The following CFAP43 variants were observed in gnomAD, a reference collection of about 807,000 sequenced individuals.
CFAP43 encodes the protein cilia- and flagella-associated protein 43.
Under a neutral mutation model 218.9 loss-of-function variants are expected in CFAP43, and 155 were observed. The ratio of observed to expected loss-of-function variants is 0.71; its 90% CI spans 0.62 to 0.81. CFAP43 has a LOEUF of 0.81. Among genes scored for constraint, CFAP43 ranks in the 30% least tolerant of loss-of-function variants. CFAP43 has a pLI of 0.00. For synonymous variants in CFAP43, 645 were observed against 681.3 expected, an observed-to-expected ratio of 0.95 and a Z score of 0.83; for missense variants, 1,778 against 1,954.3, an observed-to-expected ratio of 0.91 and a Z score of 1.70.
intron 36 of CFAP43, 128 bp downstream of exon 36, chr10:104,131,988 C>T (rs1167588312): frequency 5.0e-6 from 3 of 604,788 alleles, no homozygotes; most frequent in South Asian, 3.6e-5. Flanking sequence ...TTTTAATTAC[C>T]TCATGAATAC....
At chr10:104,163,176 CACTT>C (rs891447037) in intron 24 of CFAP43, among the ~76,000 whole-genome samples, 6 of 152,198 alleles carry the variant, frequency 3.9e-5, no homozygotes, top group Admixed American at 2.0e-4. Context: ...CCAACAATGA[CACTT>C]ACTAGCTTTG....
rs2089291235 is a variant in CFAP43, at chr10:104,168,858, C to T, written c.2587-10G>A. The T allele has an allele frequency of 1.3e-6, 2 of 1,591,198 alleles. No individual in the cohort carries two copies. The highest frequency in any genetic ancestry group is 3.3e-5 in the Admixed American group (2 of 59,880). Reference sequence around the variant, plus strand: ...CTACATCCTTTATCATCTTGAAGAACACAGACAAAGGGAAAAGATAAAAAT... The same window carrying T: ...CTACATCCTTTATCATCTTGAAGAATACAGACAAAGGGAAAAGATAAAAAT... On this transcript the variant is annotated splice_polypyrimidine_tract_variant and intron_variant, in intron 20 of 37. Coordinates refer to ENST00000357060, the MANE Select transcript of CFAP43 (RefSeq NM_025145.7).
Position 104,145,463 on chromosome 10 carries a change from A to G in CFAP43, c.3944+13T>C, listed in dbSNP as rs1425258864. On this transcript the variant is annotated intron_variant, in intron 31 of 37. Coordinates refer to ENST00000357060, the MANE Select transcript of CFAP43 (RefSeq NM_025145.7). ...TTTTTTCTCAGAAACACAATAGTGAAGGAGAAACAAACCTTGGTCGGCGTT... is the reference window on the plus strand; with the variant it reads ...TTTTTTCTCAGAAACACAATAGTGAGGGAGAAACAAACCTTGGTCGGCGTT... 6.4e-7 allele frequency: 1 copy of G among 1,568,848 alleles called. No individual in the cohort carries two copies. The highest frequency in any genetic ancestry group is 1.7e-5 in the Admixed American group (1 of 58,968).
chr10:104,145,365 A>G (rs2087911206), intron 31 of CFAP43, 111 bp downstream of exon 31: 2 of 630,816 alleles, frequency 3.2e-6, no homozygotes, highest in Non-Finnish European at 2.7e-6. Context: ...CCTAAAAGAT[A>G]TTACACTGAA....
intron 35 of CFAP43, among the ~76,000 whole-genome samples, 153 bp from the exon 36 acceptor site, chr10:104,132,349 C>T (rs960018899): frequency 9.9e-5 from 15 of 151,944 alleles, no homozygotes; most frequent in African/African-American, 3.4e-4. Flanking sequence ...TGGTGGCATA[C>T]GCTTGTAATC....
rs75488760 is a variant in CFAP43 at position 104,198,972 on chromosome 10, T to C, written c.1096-934A>G. ...GGTCTCCCAGACATTTATTTTTTAA[T>C]TTACAAAACATAACAAAACATTTTT... On this transcript the variant is annotated intron_variant, in intron 8 of 37. Coordinates refer to ENST00000357060, the MANE Select transcript of CFAP43 (RefSeq NM_025145.7). Among the ~76,000 whole-genome samples the C allele has an allele frequency of 5.8e-3, 882 of 152,304 alleles. 8 individuals are homozygous for C. Among genetic ancestry groups the C allele is most frequent in the Non-Finnish European group, 8.3e-3 (564 of 68,030 alleles).
chr10:104,208,212 GAA>G (rs2090754965), intron 5 of CFAP43, among the ~76,000 whole-genome samples: 2 of 152,142 alleles, frequency 1.3e-5, no homozygotes, highest in Non-Finnish European at 2.9e-5. Context: ...CACCATTATT[GAA>G]AAGTTTCCTG....
intron 27 of CFAP43, among the ~76,000 whole-genome samples, chr10:104,156,655 A>G (rs2088562751): frequency 6.6e-6 from 1 of 152,184 alleles, no homozygotes; most frequent in African/African-American, 2.4e-5. Context: ...CCCACAGACT[A>G]GAGAGCTCTC....
intron 34 of CFAP43, among the ~76,000 whole-genome samples, chr10:104,137,574 A>G (rs1202964196): frequency 6.6e-6 from 1 of 152,090 alleles, no homozygotes; most frequent in African/African-American, 2.4e-5. Flanking sequence ...TTGGGAGGCT[A>G]AGGCAGGAGG....
chr10:104,207,665 C>G lies in CFAP43; in HGVS notation c.895G>C (p.Asp299His). 6.2e-7 allele frequency: 1 copy of G among 1,612,042 alleles called. No homozygotes were observed. Among genetic ancestry groups the G allele is most frequent in the Non-Finnish European group, 8.5e-7 (1 of 1,179,114 alleles). ...AATATGAAGTAGGACAGTTTCTTAC[C>G]CAATGGCGATTCCTCTTCTATCTTA... ...LNKIEEESPL[D>H]RRNFISPVTL... Residue 299 changes from aspartate (D) to histidine (H), a missense_variant and splice_region_variant, in exon 6 of 38, where the codon GAC becomes CAC. Asp to His is a moderately conservative substitution (Grantham distance 81). Transcript: ENST00000357060.
chr10:104,140,788 C>G (rs1261210096), intron 34 of CFAP43, 54 bp downstream of exon 34: 3 of 1,417,380 alleles, frequency 2.1e-6, no homozygotes, highest in African/African-American at 2.9e-5. Flanking sequence ...AAGACTCTAG[C>G]CTGAGTAACA....
At chr10:104,213,118 C>A (rs1205003217) in intron 4 of CFAP43, among the ~76,000 whole-genome samples, 1 of 152,170 alleles carries the variant, frequency 6.6e-6, no homozygotes, top group Non-Finnish European at 1.5e-5. Context: ...GTTGTCAACT[C>A]TCACTAGAGA....
chr10:104,154,878 C>G (rs572986189), intron 27 of CFAP43, among the ~76,000 whole-genome samples: 1 of 152,300 alleles, frequency 6.6e-6, no homozygotes, highest in East Asian at 1.9e-4. Context: ...GCATAAATGC[C>G]ATGTTCTCAA....
At position 104,142,309 on chromosome 10, in the gene CFAP43, T is replaced by C; in HGVS notation, c.4243A>G (p.Ile1415Val). ...VEEEEKVQQE[I>V]ERVFHELILL... Reference sequence around the variant, plus strand: ...ATGAGTTCATGGAACACTCTCTCAATCTCCTGTTGCACCTTCTCTTCCTCC... The same window carrying C: ...ATGAGTTCATGGAACACTCTCTCAACCTCCTGTTGCACCTTCTCTTCCTCC... Residue 1415 changes from isoleucine (I) to valine (V), a missense_variant, in exon 33 of 38, where the codon ATT (isoleucine) becomes GTT (valine). Transcript: ENST00000357060. The C allele has an allele frequency of 6.2e-7, 1 of 1,613,540 alleles. No individual in the cohort carries two copies. Among genetic ancestry groups the C allele is most frequent in the Non-Finnish European group, 8.5e-7 (1 of 1,179,778 alleles).
intron 33 of CFAP43, among the ~76,000 whole-genome samples, chr10:104,141,657 CTTAT>C (rs1382603251): frequency 3.3e-5 from 5 of 152,018 alleles, no homozygotes; most frequent in African/African-American, 1.2e-4. Flanking sequence ...AAATTCTGAA[CTTAT>C]TTATTGATTT....
At chr10:104,228,379 C>G (rs1411881091) in intron 2 of CFAP43, among the ~76,000 whole-genome samples, 1 of 151,906 alleles carries the variant, frequency 6.6e-6, no homozygotes, top group Non-Finnish European at 1.5e-5. Flanking sequence ...GATTCTGTCC[C>G]AAGTCTTCAA....
chr10:104,130,809 C>T (rs895022607), intron 37 of CFAP43, among the ~76,000 whole-genome samples: 1 of 151,648 alleles, frequency 6.6e-6, no homozygotes, highest in African/African-American at 2.4e-5. Flanking sequence ...GCCAGCCTGG[C>T]CAACATGGCA....
chr10:104,133,515 A>G (rs2087294504), intron 35 of CFAP43, 105 bp downstream of exon 35: 1 of 1,235,694 alleles, frequency 8.1e-7, no homozygotes, highest in African/African-American at 1.5e-5. Flanking sequence ...CTCCTGGCTT[A>G]GAATATGCTT....
At chr10:104,223,407 T>C (rs1226917786) in intron 3 of CFAP43, among the ~76,000 whole-genome samples, 6 of 152,218 alleles carry the variant, frequency 3.9e-5, no homozygotes, top group Non-Finnish European at 8.8e-5. Flanking sequence ...ATACTTTTAG[T>C]CAATGAATTA....
Sources: gnomAD v4.1 joint callset for allele counts (sites outside exome capture counted in the v4.1 genomes callset) on GRCh38, gnomAD v4.1.1 for gene constraint, MANE v1.5 for transcripts, NCBI Gene and HGNC (gene_info 2026-07-23, HGNC 2026-07-21) for gene names.